The following GPHN variants were observed in gnomAD, a reference collection of about 807,000 sequenced individuals.
The protein encoded by GPHN is gephyrin.
GPHN carries 17 observed loss-of-function variants against 95.5 expected under a neutral mutation model. The observed-to-expected ratio is 0.18, with a 90% CI of 0.12 to 0.27. The LOEUF (loss-of-function observed/expected upper bound fraction) is 0.27. Among genes scored for constraint, GPHN ranks in the 10% least tolerant of loss-of-function variants. The pLI is 1.00. For missense variants in GPHN, 660 were observed against 978.1 expected (o/e 0.67, Z 4.34); for synonymous variants, 320 against 322.5 (o/e 0.99, Z 0.08).
the GPHN span, among the ~76,000 whole-genome samples, chr14:67,460,716 C>T: frequency 6.6e-6 from 1 of 152,030 alleles, no homozygotes; most frequent in Non-Finnish European, 1.5e-5. Context: ...AACAAACAAA[C>T]AAACAAAAAG....
At chr14:67,585,329 C>T in the GPHN span, 1 of 498,734 alleles carries the variant, frequency 2.0e-6, no homozygotes, top group East Asian at 3.7e-5. Context: ...AGAATGATCG[C>T]CTCTGCCTTT....
chr14:67,652,217 G>GT, the GPHN span: 3 of 152,218 alleles, frequency 2.0e-5, no homozygotes, highest in Non-Finnish European at 4.4e-5. Flanking sequence ...CGAGGATTTT[G>GT]TTTTTTATTT....
the GPHN span, chr14:67,336,462 A>G: frequency 2.4e-4 from 65 of 265,324 alleles, no homozygotes; most frequent in African/African-American, 1.4e-3. Context: ...AACAAGGCCA[A>G]TACATTCCAG....
chr14:67,491,270 G>A, the GPHN span, among the ~76,000 whole-genome samples: 692 of 152,240 alleles, frequency 4.5e-3, 3 homozygotes, highest in Non-Finnish European at 7.8e-3. Flanking sequence ...CACCAGCACC[G>A]CCACATGTTC....
chr14:67,587,004 T>C, the GPHN span: 2 of 1,528,318 alleles, frequency 1.3e-6, no homozygotes, highest in South Asian at 1.2e-5. Flanking sequence ...GCATAAGAGC[T>C]AATAAGTAAG....
chr14:67,202,320 A>G, the GPHN span, among the ~76,000 whole-genome samples: 1 of 152,162 alleles, frequency 6.6e-6, no homozygotes, highest in South Asian at 2.1e-4. Flanking sequence ...ATGTGCCTGT[A>G]ATCCCAGCTA....
the GPHN span, among the ~76,000 whole-genome samples, chr14:67,419,254 A>T: frequency 2.6e-5 from 4 of 152,120 alleles, no homozygotes; most frequent in Non-Finnish European, 4.4e-5. Context: ...TGGCCTAGGG[A>T]TGTCTGAGGA....
chr14:66,884,614 C>G (rs2064095878), intron 5 of GPHN, among the ~76,000 whole-genome samples: 1 of 151,704 alleles, frequency 6.6e-6, no homozygotes, highest in Non-Finnish European at 1.5e-5. Context: ...TTTTTTCCCC[C>G]TAAATTTCAT....
chr14:66,784,113 C>T (rs1248122766), intron 3 of GPHN, among the ~76,000 whole-genome samples: 1 of 151,990 alleles, frequency 6.6e-6, no homozygotes, highest in Non-Finnish European at 1.5e-5. Flanking sequence ...AAAAGTGCTT[C>T]AATAAGCAAC....
At chr14:67,093,129 T>C (rs3784079) in intron 12 of GPHN, among the ~76,000 whole-genome samples, 6,113 of 152,220 alleles carry the variant, frequency 0.04, 178 homozygotes, top group African/African-American at 0.079. Context: ...ATAGGTAACA[T>C]ACAGTTCTGA....
At chr14:66,867,643 G>A (rs923836388) in intron 4 of GPHN, among the ~76,000 whole-genome samples, 11 of 152,148 alleles carry the variant, frequency 7.2e-5, no homozygotes, top group Admixed American at 1.3e-4. Context: ...TGAAATTAAT[G>A]TGTTTGTCCT....
the GPHN span, among the ~76,000 whole-genome samples, chr14:67,713,353 G>A: frequency 7.5e-6 from 1 of 133,234 alleles, no homozygotes; most frequent in African/African-American, 3.0e-5. Flanking sequence ...CATCGTCATG[G>A]AAGCAGAAAA....
At chr14:67,632,968 C>T in the GPHN span, among the ~76,000 whole-genome samples, 1 of 151,408 alleles carries the variant, frequency 6.6e-6, no homozygotes, top group East Asian at 1.9e-4. Flanking sequence ...CTACAGGCGC[C>T]CGCCACCACG....
intron 22 of GPHN, among the ~76,000 whole-genome samples, chr14:67,180,481 T>C (rs976879993): frequency 1.3e-5 from 2 of 152,226 alleles, no homozygotes; most frequent in Non-Finnish European, 2.9e-5. Flanking sequence ...ATTATTTTAA[T>C]ACTTTTTTTA....
the GPHN span, among the ~76,000 whole-genome samples, chr14:67,284,763 GCCTCTTTTCACTTA>G: frequency 1.3e-5 from 2 of 151,756 alleles, no homozygotes; most frequent in East Asian, 3.9e-4. Context: ...TTTGTGACTG[GCCTCTTTTCACTTA>G]CCATTATGTT....
chr14:66,743,443 C>G (rs375210202), intron 2 of GPHN, among the ~76,000 whole-genome samples: 1 of 152,164 alleles, frequency 6.6e-6, no homozygotes. Context: ...ATTTCCTTCA[C>G]TAGAGCATCC....
the GPHN span, among the ~76,000 whole-genome samples, chr14:67,496,421 T>TTTTTTTA: frequency 4.3e-5 from 5 of 117,430 alleles, no homozygotes; most frequent in South Asian, 5.3e-4. Context: ...TTTTTTTTTT[T>TTTTTTTA]GAGACAGGGT....
At chr14:66,719,952 A>G (rs1288217433) in intron 2 of GPHN, among the ~76,000 whole-genome samples, 1 of 152,190 alleles carries the variant, frequency 6.6e-6, no homozygotes, top group African/African-American at 2.4e-5. Context: ...AGTTATTAAA[A>G]TGTTATATAA....
the GPHN span, among the ~76,000 whole-genome samples, chr14:67,618,929 A>G: frequency 6.6e-6 from 1 of 152,346 alleles, no homozygotes; most frequent in Admixed American, 6.5e-5. Context: ...GTAAATTGAC[A>G]TGAGGTGAAA....
Sources: allele counts gnomAD v4.1 joint callset (sites outside exome capture counted in the v4.1 genomes callset), GRCh38; gene constraint gnomAD v4.1.1; transcripts MANE v1.5; gene names NCBI Gene and HGNC (gene_info 2026-07-23, HGNC 2026-07-21).